The following REL variants were observed in gnomAD, a reference collection of about 807,000 sequenced individuals.
The protein encoded by REL is proto-oncogene c-Rel.
REL carries 15 observed loss-of-function variants against 45.9 expected under a neutral mutation model. The observed-to-expected ratio is 0.33, with a 90% CI of 0.22 to 0.50. REL has a LOEUF of 0.50. REL is among the 20% of genes least tolerant of loss of function. REL has a pLI of 0.98. For synonymous variants in REL, 239 were observed against 242.1 expected (o/e 0.99, Z 0.12); for missense variants, 601 against 715.2 (o/e 0.84, Z 1.82).
At chr2:60,907,639 C>A (rs1216537223) in intron 4 of REL, among the ~76,000 whole-genome samples, 2 of 151,862 alleles carry the variant, frequency 1.3e-5, no homozygotes, top group African/African-American at 2.4e-5. Context: ...ATCAAAAAAA[C>A]AAACAAACTA....
chr2:60,891,125 T>G (rs1480689227), intron 1 of REL, among the ~76,000 whole-genome samples: 1 of 152,238 alleles, frequency 6.6e-6, no homozygotes, highest in African/African-American at 2.4e-5. Context: ...TGATATACTG[T>G]GTGTAAGTCC....
intron 1 of REL, among the ~76,000 whole-genome samples, chr2:60,884,200 A>G (rs960581146): frequency 4.0e-5 from 6 of 151,850 alleles, no homozygotes; most frequent in African/African-American, 1.4e-4. Context: ...ACTTTTATTC[A>G]TTACGAAGTA....
chr2:60,902,787 C>T (rs1673532879), intron 4 of REL, among the ~76,000 whole-genome samples: 1 of 152,026 alleles, frequency 6.6e-6, no homozygotes, highest in Non-Finnish European at 1.5e-5. Context: ...CAGGGTCTCG[C>T]CATGTTGCCC....
intron 4 of REL, among the ~76,000 whole-genome samples, chr2:60,910,308 A>G (rs1240301357): frequency 6.6e-6 from 1 of 151,876 alleles, no homozygotes; most frequent in East Asian, 1.9e-4. Context: ...TACTAAAAAT[A>G]CAAAAAATTA....
intron 2 of REL, among the ~76,000 whole-genome samples, chr2:60,892,836 G>T (rs1164981987): frequency 6.6e-6 from 1 of 150,468 alleles, no homozygotes; most frequent in Non-Finnish European, 1.5e-5. Context: ...CTCACTGCAA[G>T]CTCCACCTCC....
chr2:60,920,136 T>C lies in REL; in HGVS notation c.922+27T>C, dbSNP rs769573296. 11 of 1,444,816 alleles carry C rather than the reference T, an allele frequency of 7.6e-6. No homozygotes were observed. The East Asian group carries it at 1.4e-4, about 18-fold the overall frequency. The allele number at this position is 1,444,816 out of a possible 1,614,324, so 89.5% of individuals were successfully genotyped here. ...TAAGAATAGTTTGGATCGATTCATA[T>C]TTAAATAGGTTTTGTTTTATTTACT... On this transcript the variant is annotated intron_variant, in intron 8 of 9. Coordinates refer to ENST00000394479, the MANE Select transcript of REL (RefSeq NM_001291746.2).
At chr2:60,916,466 A>G (rs868697318) in intron 4 of REL, among the ~76,000 whole-genome samples, 9 of 152,238 alleles carry the variant, frequency 5.9e-5, no homozygotes, top group Non-Finnish European at 1.2e-4. Context: ...GATGAAAGTA[A>G]TTCTTGTACA....
intron 7 of REL, 119 bp from the exon 8 acceptor site, chr2:60,919,922 C>T (rs1469355023): frequency 3.2e-6 from 2 of 634,608 alleles, no homozygotes; most frequent in Non-Finnish European, 5.6e-6. Context: ...TTATTAAATC[C>T]AACTTACATA....
At chr2:60,895,611 T>TAATA (rs956864432) in intron 3 of REL, among the ~76,000 whole-genome samples, 2 of 152,240 alleles carry the variant, frequency 1.3e-5, no homozygotes, top group African/African-American at 4.8e-5. Context: ...AATAGTCATG[T>TAATA]AATACTTCAT....
chr2:60,916,136 G>A (rs1430190235), intron 4 of REL, among the ~76,000 whole-genome samples: 4 of 152,362 alleles, frequency 2.6e-5, no homozygotes, highest in African/African-American at 9.6e-5. Context: ...TTCCAGGCCA[G>A]GCTCAGTGGC....
At chr2:60,883,675 A>G (rs1673003041) in intron 1 of REL, among the ~76,000 whole-genome samples, 1 of 152,172 alleles carries the variant, frequency 6.6e-6, no homozygotes, top group Non-Finnish European at 1.5e-5. Flanking sequence ...AACCATTTCT[A>G]TATAGAGTAT....
chr2:60,901,393 A>G (rs940253568), intron 4 of REL, among the ~76,000 whole-genome samples: 1 of 151,756 alleles, frequency 6.6e-6, no homozygotes, highest in Non-Finnish European at 1.5e-5. Flanking sequence ...AACTCCTGAC[A>G]TCAGGTGATC....
intron 3 of REL, among the ~76,000 whole-genome samples, chr2:60,897,494 T>TA (rs1324273280): frequency 1.3e-4 from 19 of 151,726 alleles, no homozygotes; most frequent in Non-Finnish European, 4.4e-5. Flanking sequence ...TTTTAGTAGA[T>TA]ACGGGGTTTC....
At chr2:60,891,421 T>C (rs1254443830) in intron 1 of REL, among the ~76,000 whole-genome samples, 1 of 152,176 alleles carries the variant, frequency 6.6e-6, no homozygotes, top group Non-Finnish European at 1.5e-5. Context: ...ACGTTAGCTA[T>C]AGATATTAAG....
intron 7 of REL, among the ~76,000 whole-genome samples, chr2:60,919,333 C>T (rs988005028): frequency 2.0e-5 from 3 of 152,092 alleles, no homozygotes; most frequent in Admixed American, 6.5e-5. Context: ...CTCCTGGGCT[C>T]AGGTGATCAT....
Position 60,894,488 on chromosome 2 carries a change from A to G in REL, c.245A>G (p.Lys82Arg). 1 of 1,609,298 alleles carries G rather than the reference A, an allele frequency of 6.2e-7. No homozygotes were observed. The highest frequency in any genetic ancestry group is 2.2e-5 in the East Asian group (1 of 44,596). The change falls in exon 3 of 10, where the codon AAA becomes AGA. Residue 82 changes from lysine to arginine, a missense_variant. Physicochemically the swap from Lys to Arg is conservative, Grantham distance 26. Coordinates refer to ENST00000394479, the MANE Select transcript of REL (RefSeq NM_001291746.2). ...CCTCATCCTCATGATTTAGTTGGAA[A>G]AGACTGCAGAGACGGCTACTATGAA... ...YKPHPHDLVG[K>R]DCRDGYYEAE...
rs1209755963 is a variant in REL at position 60,927,028 on chromosome 2, T to C, written c.*4493T>C. On this transcript the variant is annotated 3_prime_UTR_variant, in exon 10 of 10. Transcript: ENST00000394479. The stretch of plus-strand genomic sequence containing the variant: ...TGCTCTTCTGGAACTAGAACACTCA[T>C]CCTTGAAGGCTGGGCTTCTGTATGA... The C allele has an allele frequency of 8.8e-6, 2 of 228,166 alleles. No homozygotes were observed. The highest frequency in any genetic ancestry group is 2.2e-5 in the African/African-American group (1 of 45,038). 14.1% of individuals were successfully genotyped at this position (228,166 alleles called of 1,614,324 possible).
intron 2 of REL, among the ~76,000 whole-genome samples, chr2:60,893,769 A>G (rs982212501): frequency 2.6e-5 from 4 of 152,030 alleles, no homozygotes; most frequent in South Asian, 2.1e-4. Context: ...TGTTCTTGCA[A>G]CTTTACTAGC....
rs552641264 is a variant in REL, at chr2:60,891,659, T to A, written c.11-24T>A. On this transcript the variant is annotated intron_variant, in intron 1 of 9. Coordinates refer to ENST00000394479, the MANE Select transcript of REL (RefSeq NM_001291746.2). ...AATTGCTATATTAATCTCACTGACC[T>A]CCTCCTTTTTAAAAACTTTTCAGGT... The A allele has an allele frequency of 2.8e-5, 44 of 1,574,534 alleles. 1 individual carries two copies. The South Asian group carries it at 4.8e-4, about 17-fold the overall frequency.
Sources: gnomAD v4.1 joint callset for allele counts (sites outside exome capture counted in the v4.1 genomes callset) on GRCh38, gnomAD v4.1.1 for gene constraint, MANE v1.5 for transcripts, NCBI Gene and HGNC (gene_info 2026-07-23, HGNC 2026-07-21) for gene names.